The following ADARB1 variants were observed in gnomAD, a reference collection of about 807,000 sequenced individuals.
ADARB1 encodes adenosine deaminase RNA specific B1.
ADARB1 carries 10 observed loss-of-function variants against 52.4 expected under a neutral mutation model. The ratio of observed to expected loss-of-function variants is 0.19; its 90% CI spans 0.12 to 0.32. The LOEUF (loss-of-function observed/expected upper bound fraction) is 0.32. Among genes scored for constraint, ADARB1 ranks in the 10% least tolerant of loss-of-function variants. The probability of loss-of-function intolerance (pLI) is 1.00; values close to 1 mark genes in which losing one functional copy is unlikely to be tolerated. For missense variants in ADARB1, 643 were observed against 922.3 expected, an observed-to-expected ratio of 0.70 and a Z score of 3.92; for synonymous variants, 349 against 371.1, an observed-to-expected ratio of 0.94 and a Z score of 0.68.
chr21:45,186,656 T>G (rs1457533062), intron 8 of ADARB1, among the ~76,000 whole-genome samples: 1 of 152,234 alleles, frequency 6.6e-6, no homozygotes, highest in African/African-American at 2.4e-5. Flanking sequence ...ATCTTACACC[T>G]TCTTTGAGTT....
chr21:45,095,211 C>G (rs2086708936), intron 1 of ADARB1, among the ~76,000 whole-genome samples: 1 of 152,366 alleles, frequency 6.6e-6, no homozygotes, highest in African/African-American at 2.4e-5. Flanking sequence ...TGTGCAGGTC[C>G]CCCAGTCACC....
At chr21:45,180,484 A>T in intron 5 of ADARB1, 40 bp downstream of exon 5, 2 of 1,500,124 alleles carry the variant, frequency 1.3e-6, no homozygotes, top group East Asian at 2.3e-5. Context: ...GCCTGTTTTC[A>T]TGTCTGACAA....
Position 45,142,783 on chromosome 21 carries a change from T to C in ADARB1, c.-48+14210T>C, listed in dbSNP as rs2089796976. Among the ~76,000 whole-genome samples the C allele has an allele frequency of 1.3e-5, 2 of 152,122 alleles. No individual in the cohort carries two copies. Among genetic ancestry groups the C allele is most frequent in the South Asian group, 2.1e-4 (1 of 4,832 alleles). ...TCAGGGGTGTGGCCTGGCTCCGTCATGTGTTTTGCAGGGGGATCTGAGGGG... is the reference window on the plus strand; with the variant it reads ...TCAGGGGTGTGGCCTGGCTCCGTCACGTGTTTTGCAGGGGGATCTGAGGGG... On this transcript the variant is annotated intron_variant, in intron 2 of 10. Transcript: ENST00000348831. The surrounding 1 kb of genome is among the most constrained non-coding windows in gnomAD (Gnocchi z 4.0).
At chr21:45,164,409 G>GC (rs1411594603) in intron 2 of ADARB1, among the ~76,000 whole-genome samples, 2 of 152,006 alleles carry the variant, frequency 1.3e-5, no homozygotes, top group African/African-American at 4.8e-5. Flanking sequence ...CAGGCATGGC[G>GC]CCCGGGGTGG....
In ADARB1 at chr21:45,133,280, G is replaced by A. The variant is rs148913814; in HGVS notation, c.-48+4707G>A. Among the ~76,000 whole-genome samples the A allele has an allele frequency of 4.2e-3, 634 of 152,372 alleles. 4 individuals carry two copies. The highest frequency in any genetic ancestry group is 0.014 in the African/African-American group (601 of 41,590). The stretch of plus-strand genomic sequence containing the variant: ...CAGAGCTCAGTTCCTTGTGACCATA[G>A]GCCTGTGGCGCTTGGCTCCTGGAGA... On this transcript the variant is annotated intron_variant, in intron 2 of 10. Coordinates refer to ENST00000348831, the MANE Select transcript of ADARB1 (RefSeq NM_001112.4).
At chr21:45,218,557 G>T (rs1406985268) in intron 9 of ADARB1, among the ~76,000 whole-genome samples, 2 of 152,296 alleles carry the variant, frequency 1.3e-5, no homozygotes, top group Middle Eastern at 3.4e-3. Context: ...GGCTCACTCT[G>T]TCTGCATGTC....
At position 45,222,152 on chromosome 21, in the gene ADARB1, G is replaced by C. The variant is rs1271865364; in HGVS notation, c.2061G>C (p.Trp687Cys). ...TAFIKAGLGA[W>C]VEKPTEQDQF... ...TCATCAAGGCGGGGCTGGGGGCCTG[G>C]GTGGAGAAGCCCACCGAGCAGGACC... Residue 687 changes from tryptophan (W) to cysteine (C), a missense_variant, in exon 11 of 11, where the codon TGG (tryptophan) becomes TGC (cysteine). Trp to Cys is a radical substitution (Grantham distance 215). Transcript: ENST00000348831. The C allele has an allele frequency of 6.2e-7, 1 of 1,606,466 alleles. No individual in the cohort carries two copies. The highest frequency in any genetic ancestry group is 8.5e-7 in the Non-Finnish European group (1 of 1,177,052).
chr21:45,152,308 G>C (rs1240482420), intron 2 of ADARB1, among the ~76,000 whole-genome samples: 2 of 133,856 alleles, frequency 1.5e-5, no homozygotes, highest in East Asian at 5.3e-4. Context: ...ATTCACGGCT[G>C]TCGTTCTCTC....
intron 9 of ADARB1, among the ~76,000 whole-genome samples, chr21:45,211,359 GCA>G (rs952001565): frequency 1.3e-5 from 2 of 152,176 alleles, no homozygotes; most frequent in South Asian, 2.1e-4. Flanking sequence ...GGGGTGCTGT[GCA>G]CAGTTTTCCT....
At chr21:45,125,750 G>A (rs2088537467) in intron 1 of ADARB1, among the ~76,000 whole-genome samples, 1 of 152,264 alleles carries the variant, frequency 6.6e-6, no homozygotes, top group South Asian at 2.1e-4. Flanking sequence ...AGTCTTGCCA[G>A]AGATCACTGG....
chr21:45,139,089 T>A (rs1318305434), intron 2 of ADARB1, among the ~76,000 whole-genome samples: 2 of 151,998 alleles, frequency 1.3e-5, no homozygotes, highest in Non-Finnish European at 2.9e-5. Flanking sequence ...CCTGGCTAAT[T>A]TTTGTAGTTT....
At chr21:45,140,062 G>T (rs550483254) in intron 2 of ADARB1, among the ~76,000 whole-genome samples, 57 of 146,558 alleles carry the variant, frequency 3.9e-4, no homozygotes, top group African/African-American at 1.4e-3. Flanking sequence ...TCCTGCCTCA[G>T]CCTCCCTAGT....
At chr21:45,214,632 G>T (rs577423801) in intron 9 of ADARB1, among the ~76,000 whole-genome samples, 3 of 152,264 alleles carry the variant, frequency 2.0e-5, no homozygotes, top group East Asian at 1.9e-4. Flanking sequence ...TTAGTGAAAG[G>T]TTCCTCATTT....
chr21:45,106,898 T>C (rs2087284785), intron 1 of ADARB1, among the ~76,000 whole-genome samples: 1 of 152,076 alleles, frequency 6.6e-6, no homozygotes, highest in Non-Finnish European at 1.5e-5. Context: ...GTTTCATTAG[T>C]CAATATGGAG....
In ADARB1 at chr21:45,184,448, A is replaced by AT. The variant is rs35076710; in HGVS notation, c.1397-457dup. ...TGTCCTTCCTACTCAATTTCATATA[A>AT]TTTTTTTTTTTTTTTTTTGAGACAG... is the stretch of plus-strand genomic sequence containing the variant. On this transcript the variant is annotated intron_variant, in intron 7 of 10. Coordinates refer to ENST00000348831, the MANE Select transcript of ADARB1 (RefSeq NM_001112.4). 824 of 141,854 alleles carry AT rather than the reference A, an allele frequency of 5.8e-3. 8 individuals are homozygous for AT. Among genetic ancestry groups the AT allele is most frequent in the African/African-American group, 0.018 (585 of 33,366 alleles). 8.8% of individuals were successfully genotyped at this position (141,854 alleles called of 1,614,324 possible). A position where few individuals can be genotyped will look rare whatever the true frequency, so the allele number is the denominator to read the frequency against.
chr21:45,148,467 C>T (rs2090120024), intron 2 of ADARB1, among the ~76,000 whole-genome samples: 1 of 152,234 alleles, frequency 6.6e-6, no homozygotes, highest in African/African-American at 2.4e-5. Flanking sequence ...GCACCAGGGC[C>T]TGGGCTCCCC....
At position 45,157,964 on chromosome 21, in the gene ADARB1, C is replaced by A. The variant is rs1235745046; in HGVS notation, c.-47-13646C>A. ...GGCACACACCACAAATTGCACAGCACCCCCACAGGAGGCGAGCCTGTGTCC... is the reference window on the plus strand; with the variant it reads ...GGCACACACCACAAATTGCACAGCAACCCCACAGGAGGCGAGCCTGTGTCC... On this transcript the variant is annotated intron_variant, in intron 2 of 10. Transcript: ENST00000348831. This position sits in a 1 kb window ranked among gnomAD's most constrained non-coding sequence, Gnocchi z 4.1. Among the ~76,000 whole-genome samples, 1 of 152,234 alleles carries A rather than the reference C, an allele frequency of 6.6e-6. No individual in the cohort carries two copies. The highest frequency in any genetic ancestry group is 1.5e-5 in the Non-Finnish European group (1 of 68,034).
intron 1 of ADARB1, among the ~76,000 whole-genome samples, chr21:45,075,103 G>T (rs1362243812): frequency 1.3e-5 from 2 of 151,632 alleles, no homozygotes; most frequent in South Asian, 2.1e-4. Flanking sequence ...GGGCAGGTGC[G>T]CCGGGACGAG....
At chr21:45,077,665 TAAA>T (rs1294862430) in intron 1 of ADARB1, among the ~76,000 whole-genome samples, 4 of 137,062 alleles carry the variant, frequency 2.9e-5, no homozygotes, top group Admixed American at 7.3e-5. Flanking sequence ...AGACGCCGTC[TAAA>T]AAAAAAAAAA....
Sources: allele counts gnomAD v4.1 joint callset (sites outside exome capture counted in the v4.1 genomes callset), GRCh38; gene constraint gnomAD v4.1.1; non-coding constraint Gnocchi (gnomAD v3.1); transcripts MANE v1.5; gene names NCBI Gene and HGNC (gene_info 2026-07-23, HGNC 2026-07-21).